XG: variants seen among roughly 807,000 people sequenced by gnomAD.
XG encodes the protein Xg glycoprotein (Xg blood group).
XG carries 24 observed loss-of-function variants against 25.7 expected under a neutral mutation model. The ratio of observed to expected loss-of-function variants is 0.93; its 90% CI spans 0.68 to 1.31. The LOEUF (loss-of-function observed/expected upper bound fraction) is 1.31. Among genes scored for constraint, XG ranks in the 40% most tolerant of loss-of-function variants. The pLI, the probability that XG is intolerant of heterozygous loss-of-function variation, is 0.00. For missense variants in XG, 181 were observed against 187.6 expected (o/e 0.96, Z 0.21); for synonymous variants, 77 against 69.2 (o/e 1.11, Z -0.56).
intron 8 of XG, 28 bp downstream of exon 8, chrX:2,806,773 G>A (rs1279969704): frequency 2.0e-5 from 22 of 1,103,667 alleles, no homozygotes; most frequent in South Asian, 1.3e-4. Context: ...TACAGAATAT[G>A]TGAGGCAAAA....
chrX:2,775,567 A>C (rs1325385244), intron 3 of XG, among the ~76,000 whole-genome samples: 2 of 152,154 alleles, frequency 1.3e-5, no homozygotes, highest in Non-Finnish European at 2.9e-5. Flanking sequence ...GCTGCACAAC[A>C]CTGTGAATAT....
intron 1 of XG, 22 bp from the exon 2 acceptor site, chrX:2,770,528 A>G: frequency 2.5e-6 from 4 of 1,613,868 alleles, no homozygotes; most frequent in Non-Finnish European, 3.4e-6. Flanking sequence ...GGGGTGACTT[A>G]TGCCCTGTTT....
intron 1 of XG, among the ~76,000 whole-genome samples, chrX:2,763,483 G>A (rs1308968280): frequency 6.6e-6 from 1 of 151,614 alleles, no homozygotes; most frequent in East Asian, 1.9e-4. Context: ...GTGGCGGTGG[G>A]AGGGGGGTGG....
intron 1 of XG, among the ~76,000 whole-genome samples, chrX:2,769,575 C>G (rs2050770043): frequency 1.3e-5 from 2 of 152,312 alleles, no homozygotes; most frequent in Admixed American, 1.3e-4. Context: ...GATAAATTCT[C>G]TGGTGGTGTT....
At chrX:2,766,353 A>C (rs766801806) in intron 1 of XG, among the ~76,000 whole-genome samples, 87 of 152,020 alleles carry the variant, frequency 5.7e-4, no homozygotes, top group Admixed American at 1.4e-3. Context: ...GTTGGCCAGG[A>C]TGGTCTCGAT....
intron 1 of XG, among the ~76,000 whole-genome samples, chrX:2,763,576 A>G (rs1237338116): frequency 6.6e-6 from 1 of 152,198 alleles, no homozygotes; most frequent in Non-Finnish European, 1.5e-5. Flanking sequence ...AAATGCTCAG[A>G]CAAACTTGGC....
In XG at chrX:2,782,924, G is replaced by C. The variant is rs190388844; in HGVS notation, c.190+796G>C. Among the ~76,000 whole-genome samples the C allele has an allele frequency of 4.2e-3, 469 of 111,795 alleles. 2 individuals are homozygous for C. Among genetic ancestry groups the C allele is most frequent in the Non-Finnish European group, 6.0e-3 (320 of 53,191 alleles). On this transcript the variant is annotated intron_variant, in intron 4 of 10. Coordinates refer to ENST00000644266, the MANE Select transcript of XG (RefSeq NM_001141919.2). ...GGCATTCTTAATTTTGTTTCAGAGT[G>C]AAACCACGAACTGAATTCGTTCCCA...
intron 3 of XG, among the ~76,000 whole-genome samples, chrX:2,777,598 T>TA (rs769356381): frequency 0.015 from 2,151 of 147,712 alleles, 49 homozygotes; most frequent in African/African-American, 0.05. Context: ...GTCTCAAAAA[T>TA]AAAAAAAAAT....
intron 1 of XG, among the ~76,000 whole-genome samples, chrX:2,764,924 C>T (rs776219185): frequency 1.4e-4 from 21 of 150,378 alleles, no homozygotes; most frequent in African/African-American, 5.1e-4. Context: ...ACCTGTAGTC[C>T]CAGCTACTCA....
chrX:2,762,630 A>G (rs924422284), intron 1 of XG, among the ~76,000 whole-genome samples: 8 of 152,234 alleles, frequency 5.3e-5, no homozygotes, highest in Non-Finnish European at 4.4e-5. Flanking sequence ...CATCTTATCC[A>G]TGGGGCTAAA....
intron 1 of XG, among the ~76,000 whole-genome samples, chrX:2,769,650 A>G (rs1366985761): frequency 3.3e-5 from 5 of 152,196 alleles, no homozygotes; most frequent in African/African-American, 1.2e-4. Context: ...CATATATGTC[A>G]GCAAGAGGGA....
chrX:2,770,330 C>G (rs1053551961), intron 1 of XG, among the ~76,000 whole-genome samples: 2 of 152,090 alleles, frequency 1.3e-5, no homozygotes, highest in Non-Finnish European at 2.9e-5. Flanking sequence ...GGGGAACTAA[C>G]TGCTGAATGG....
At chrX:2,805,999 C>G (rs1238578908) in intron 7 of XG, among the ~76,000 whole-genome samples, 3 of 112,055 alleles carry the variant, frequency 2.7e-5, no homozygotes, top group African/African-American at 9.7e-5. Context: ...AAAAATTGCT[C>G]TTAACACATT....
intron 1 of XG, chrX:2,752,808 T>C: frequency 1.8e-6 from 1 of 548,998 alleles, no homozygotes; most frequent in Non-Finnish European, 2.3e-6. Flanking sequence ...TATTCAGATT[T>C]TTAAATCTTT....
rs28520897 is a variant in XG at position 2,752,241 on chromosome X, A to G, written c.-34A>G. 1.8e-3 allele frequency: 2,833 copies of G among 1,613,374 alleles called. 48 individuals carry two copies. The African/African-American group carries it at 0.031, about 18-fold the overall frequency. On this transcript the variant is annotated 5_prime_UTR_variant, in exon 1 of 11. Coordinates refer to ENST00000644266, the MANE Select transcript of XG (RefSeq NM_001141919.2). ...GGTCTCACAATCCGCTTGGCTGGGG[A>G]GTCCACTGAGGTTCTTGCATCCTGA... is the stretch of plus-strand genomic sequence containing the variant.
chrX:2,763,290 G>A (rs35860415), intron 1 of XG, among the ~76,000 whole-genome samples: 7,716 of 152,128 alleles, frequency 0.051, 255 homozygotes, highest in Admixed American at 0.09. Context: ...CTGGGATTGC[G>A]GGTGTGAGCC....
In XG at chrX:2,793,985, G is replaced by A. The variant is rs192891982; in HGVS notation, c.254-550G>A. Among the ~76,000 whole-genome samples, 286 of 110,868 alleles carry A rather than the reference G, an allele frequency of 2.6e-3. 1 individual carries two copies. The highest frequency in any genetic ancestry group is 9.1e-3 in the African/African-American group (279 of 30,515). On this transcript the variant is annotated intron_variant, in intron 5 of 10. Coordinates refer to ENST00000644266, the MANE Select transcript of XG (RefSeq NM_001141919.2). Reference sequence around the variant, plus strand: ...ACTAGGGAGGGGCAGGACATGAGATGATGTTGGAGGATTCTGAGCAGGGGA... The same window carrying A: ...ACTAGGGAGGGGCAGGACATGAGATAATGTTGGAGGATTCTGAGCAGGGGA...
chrX:2,765,023 A>G (rs1009324731), intron 1 of XG, among the ~76,000 whole-genome samples: 2 of 116,418 alleles, frequency 1.7e-5, no homozygotes, highest in Non-Finnish European at 3.3e-5. Flanking sequence ...CCTGGGCAAC[A>G]TAGTGAGATT....
At chrX:2,775,432 C>T (rs1188201005) in intron 3 of XG, among the ~76,000 whole-genome samples, 1 of 152,044 alleles carries the variant, frequency 6.6e-6, no homozygotes, top group Non-Finnish European at 1.5e-5. Context: ...ATAGGTGAAT[C>T]CCTAGAACCA....
Sources: allele counts gnomAD v4.1 joint callset (sites outside exome capture counted in the v4.1 genomes callset), GRCh38; gene constraint gnomAD v4.1.1; transcripts MANE v1.5; gene names NCBI Gene and HGNC (gene_info 2026-07-23, HGNC 2026-07-21).